Variants in HMGB1 observed in about 807,000 individuals in gnomAD.
HMGB1 encodes the protein high mobility group box 1, also known as high mobility group protein B1.
For synonymous variants in HMGB1, 81 were observed against 84.0 expected (o/e 0.96, Z 0.19); for missense variants, 79 against 253.5 (o/e 0.31, Z 4.67).
At chr13:30,495,854 G>A (rs1283129028) in intron 1 of HMGB1, among the ~76,000 whole-genome samples, 1 of 152,132 alleles carries the variant, frequency 6.6e-6, no homozygotes, top group Non-Finnish European at 1.5e-5. Flanking sequence ...TCCAGGCCTT[G>A]AGTCATTTCT....
chr13:30,551,507 C>T (rs950299745), intron 1 of HMGB1, among the ~76,000 whole-genome samples: 7 of 152,186 alleles, frequency 4.6e-5, no homozygotes, highest in African/African-American at 1.7e-4. Context: ...ACAGTTTTGG[C>T]CTTTTCTAAT....
intron 1 of HMGB1, among the ~76,000 whole-genome samples, chr13:30,494,664 A>G (rs1296779777): frequency 6.6e-6 from 1 of 152,168 alleles, no homozygotes; most frequent in Non-Finnish European, 1.5e-5. Context: ...CCCGGCCTTA[A>G]CCACTTTTAA....
chr13:30,563,743 G>A (rs1406352918), intron 1 of HMGB1, among the ~76,000 whole-genome samples: 1 of 152,190 alleles, frequency 6.6e-6, no homozygotes, highest in Non-Finnish European at 1.5e-5. Context: ...AAGTAACCTA[G>A]GACCTTCATG....
At chr13:30,595,664 G>C (rs1478358024) in intron 1 of HMGB1, among the ~76,000 whole-genome samples, 1 of 152,130 alleles carries the variant, frequency 6.6e-6, no homozygotes, top group Non-Finnish European at 1.5e-5. Context: ...CGGCTGGGAC[G>C]GCCATCCTTT....
intron 1 of HMGB1, among the ~76,000 whole-genome samples, chr13:30,471,697 T>TCACTCTTGTTGCCCAGGCTGGAGTGC (rs1886944719): frequency 9.2e-6 from 1 of 109,288 alleles, no homozygotes; most frequent in South Asian, 3.1e-4. Flanking sequence ...AGATGGAGTT[T>TCACTCTTGTTGCCCAGGCTGGAGTGC]CACTCTTGTT....
intron 1 of HMGB1, among the ~76,000 whole-genome samples, chr13:30,533,900 T>C (rs1379094393): frequency 6.6e-6 from 1 of 151,610 alleles, no homozygotes; most frequent in African/African-American, 2.4e-5. Flanking sequence ...GTTTCGCTCT[T>C]GTTGCCCGGG....
intron 1 of HMGB1, among the ~76,000 whole-genome samples, chr13:30,500,992 A>T (rs948108335): frequency 3.3e-5 from 5 of 151,850 alleles, no homozygotes; most frequent in African/African-American, 1.2e-4. Flanking sequence ...CTAATTTTTT[A>T]AAAAATTTTT....
chr13:30,512,545 G>A (rs1192682617), intron 1 of HMGB1, among the ~76,000 whole-genome samples: 2 of 152,184 alleles, frequency 1.3e-5, no homozygotes, highest in Admixed American at 6.5e-5. Flanking sequence ...CATGGCATGG[G>A]CCCTGATCAG....
intron 1 of HMGB1, among the ~76,000 whole-genome samples, chr13:30,592,942 T>C (rs974111480): frequency 2.0e-5 from 3 of 151,954 alleles, no homozygotes; most frequent in African/African-American, 7.3e-5. Context: ...AATTCAAGCA[T>C]TGAAAGAAAT....
chr13:30,464,581 G>A, intron 1 of HMGB1: 1 of 984,046 alleles, frequency 1.0e-6, no homozygotes, highest in Non-Finnish European at 1.2e-6. Context: ...CTGCAGGCCC[G>A]CGCCGCCGCC....
intron 1 of HMGB1, among the ~76,000 whole-genome samples, chr13:30,522,155 C>CAGGTTGA (rs1304923537): frequency 2.0e-5 from 3 of 146,778 alleles, no homozygotes; most frequent in African/African-American, 7.5e-5. Flanking sequence ...CTCTGTCACC[C>CAGGTTGA]AGGTTGAAGT....
chr13:30,599,004 G>T (rs1871741966), intron 1 of HMGB1, among the ~76,000 whole-genome samples: 2 of 151,996 alleles, frequency 1.3e-5, no homozygotes, highest in South Asian at 2.1e-4. Flanking sequence ...AAGGAATGGG[G>T]TCTCACTATG....
At chr13:30,490,179 G>A (rs1344154997) in intron 1 of HMGB1, among the ~76,000 whole-genome samples, 3 of 151,924 alleles carry the variant, frequency 2.0e-5, no homozygotes, top group Admixed American at 1.3e-4. Flanking sequence ...AATATGTTTA[G>A]TGTTGTCAAG....
chr13:30,574,461 T>A (rs1870562951), intron 1 of HMGB1, among the ~76,000 whole-genome samples: 1 of 152,248 alleles, frequency 6.6e-6, no homozygotes, highest in Non-Finnish European at 1.5e-5. Flanking sequence ...TCTCTTGTGA[T>A]AATAGCACTA....
chr13:30,464,465 G>A (rs1014056100), intron 1 of HMGB1: 1 of 985,098 alleles, frequency 1.0e-6, no homozygotes, highest in Non-Finnish European at 1.2e-6. Context: ...ACTCCTGCGC[G>A]GGGCGAGCCC....
chr13:30,522,370 T>C (rs775940387), intron 1 of HMGB1, among the ~76,000 whole-genome samples: 2 of 152,078 alleles, frequency 1.3e-5, no homozygotes, highest in African/African-American at 2.4e-5. Context: ...TCTTAAAGTG[T>C]TGGGATTATA....
intron 1 of HMGB1, among the ~76,000 whole-genome samples, chr13:30,503,647 CTTTTTT>C (rs10590461): frequency 2.8e-5 from 3 of 106,434 alleles, no homozygotes; most frequent in Non-Finnish European, 5.6e-5. Context: ...TACTCAGCTT[CTTTTTT>C]TTTTTTTTTT....
chr13:30,541,571 A>C (rs1403262868), intron 1 of HMGB1: 1 of 152,674 alleles, frequency 6.5e-6, no homozygotes, highest in Non-Finnish European at 1.5e-5. Flanking sequence ...AGGAAAAGCA[A>C]ATCAAGGACC....
intron 1 of HMGB1, among the ~76,000 whole-genome samples, chr13:30,514,379 G>A (rs115184111): frequency 0.013 from 1,902 of 143,778 alleles, 35 homozygotes; most frequent in African/African-American, 0.043. Context: ...TTAAGAGATA[G>A]GGTCTCACTA....
Sources: gnomAD v4.1 joint callset for allele counts (sites outside exome capture counted in the v4.1 genomes callset) on GRCh38, gnomAD v4.1.1 for gene constraint, MANE v1.5 for transcripts, NCBI Gene and HGNC (gene_info 2026-07-23, HGNC 2026-07-21) for gene names.